SCHIP1: variants seen among roughly 807,000 people sequenced by gnomAD.
SCHIP1 encodes the protein schwannomin interacting protein 1, also known as schwannomin-interacting protein 1.
SCHIP1 carries 8 observed loss-of-function variants against 29.7 expected under a neutral mutation model. That is an observed-to-expected ratio of 0.27 (90% CI 0.16 to 0.49). The LOEUF (loss-of-function observed/expected upper bound fraction) is 0.49, where lower values mean the gene tolerates loss of function less well. Among genes scored for constraint, SCHIP1 ranks in the 20% least tolerant of loss-of-function variants. The pLI, the probability that SCHIP1 is intolerant of heterozygous loss-of-function variation, is 0.99. For synonymous variants in SCHIP1, 76 were observed against 94.9 expected (o/e 0.80, Z 1.16); for missense variants, 193 against 294.6 (o/e 0.66, Z 2.52).
intron 1 of SCHIP1, among the ~76,000 whole-genome samples, chr3:159,857,906 C>T (rs1713574776): frequency 1.3e-5 from 2 of 152,298 alleles, no homozygotes; most frequent in South Asian, 2.1e-4. Flanking sequence ...ATGTCAGAGT[C>T]AACATGTTAA....
chr3:159,823,036 T>A, the SCHIP1 span, among the ~76,000 whole-genome samples: 2 of 151,732 alleles, frequency 1.3e-5, no homozygotes, highest in African/African-American at 2.4e-5. Flanking sequence ...CCGAAAGGAC[T>A]TATGATGGAC....
At chr3:159,795,517 G>C in the SCHIP1 span, among the ~76,000 whole-genome samples, 1 of 152,180 alleles carries the variant, frequency 6.6e-6, no homozygotes, top group Non-Finnish European at 1.5e-5. Context: ...AGACATCACG[G>C]CCAGTAAGGG....
At chr3:159,705,693 A>G in the SCHIP1 span, among the ~76,000 whole-genome samples, 29 of 149,064 alleles carry the variant, frequency 1.9e-4, no homozygotes, top group South Asian at 6.3e-3. Context: ...CGCTCTAAGG[A>G]TATGACTTTT....
chr3:159,745,848 G>C, the SCHIP1 span, among the ~76,000 whole-genome samples: 2 of 152,264 alleles, frequency 1.3e-5, no homozygotes, highest in Admixed American at 6.5e-5. Context: ...TTAGAGAGTA[G>C]ATTTTGCCTC....
At chr3:159,394,502 T>G in the SCHIP1 span, among the ~76,000 whole-genome samples, 1 of 152,180 alleles carries the variant, frequency 6.6e-6, no homozygotes, top group Non-Finnish European at 1.5e-5. Context: ...AATACCTAAT[T>G]TATTGAGAGT....
chr3:159,748,314 A>C, the SCHIP1 span, among the ~76,000 whole-genome samples: 6 of 152,220 alleles, frequency 3.9e-5, no homozygotes, highest in African/African-American at 1.4e-4. Flanking sequence ...GTGTAACGTA[A>C]CTCTTCTACG....
chr3:159,829,378 TC>T, the SCHIP1 span, among the ~76,000 whole-genome samples: 2 of 152,186 alleles, frequency 1.3e-5, no homozygotes, highest in East Asian at 3.9e-4. Flanking sequence ...AAACATCTCA[TC>T]CCCAAGCCCC....
At chr3:159,325,013 T>C in the SCHIP1 span, among the ~76,000 whole-genome samples, 8 of 152,174 alleles carry the variant, frequency 5.3e-5, no homozygotes, top group African/African-American at 1.9e-4. Context: ...GTTGTATGTA[T>C]TAGTGTTTAT....
the SCHIP1 span, among the ~76,000 whole-genome samples, chr3:159,330,445 T>C: frequency 6.6e-6 from 1 of 152,226 alleles, no homozygotes; most frequent in Non-Finnish European, 1.5e-5. Context: ...TAGTATTTTG[T>C]TTCTGTTTCT....
chr3:159,540,768 G>T, the SCHIP1 span, among the ~76,000 whole-genome samples: 5 of 152,040 alleles, frequency 3.3e-5, no homozygotes, highest in Non-Finnish European at 7.4e-5. Context: ...AAACATTTAC[G>T]TTTTAATTTT....
At chr3:159,578,615 G>A in the SCHIP1 span, among the ~76,000 whole-genome samples, 1 of 152,110 alleles carries the variant, frequency 6.6e-6, no homozygotes, top group Non-Finnish European at 1.5e-5. Flanking sequence ...AGGTTCAGCA[G>A]AAAACTAAGA....
At chr3:159,886,430 GA>G (rs1716969671) in intron 3 of SCHIP1, 106 bp downstream of exon 4, 1 of 1,031,158 alleles carries the variant, frequency 9.7e-7, no homozygotes, top group Admixed American at 2.4e-5. Flanking sequence ...AGAGATTAAA[GA>G]AGAAAAGTTT....
At chr3:159,639,694 CTATTT>C in the SCHIP1 span, among the ~76,000 whole-genome samples, 382 of 152,274 alleles carry the variant, frequency 2.5e-3, 15 homozygotes, top group East Asian at 0.065. Context: ...TTGTAACAAT[CTATTT>C]TATTTCTTCA....
chr3:159,646,354 G>C, the SCHIP1 span, among the ~76,000 whole-genome samples: 1 of 152,082 alleles, frequency 6.6e-6, no homozygotes, highest in East Asian at 1.9e-4. Flanking sequence ...TTAGCACAGG[G>C]GCAGTGTAAT....
the SCHIP1 span, chr3:159,387,374 G>T: frequency 2.6e-6 from 1 of 385,984 alleles, no homozygotes; most frequent in East Asian, 7.9e-5. Flanking sequence ...CCAGGGACTT[G>T]ATCTTCATGT....
the SCHIP1 span, among the ~76,000 whole-genome samples, chr3:159,289,492 A>G: frequency 6.6e-6 from 1 of 152,024 alleles, no homozygotes; most frequent in Non-Finnish European, 1.5e-5. Context: ...CTTCTTCTTC[A>G]TCTGGCAGCC....
the SCHIP1 span, among the ~76,000 whole-genome samples, chr3:159,486,765 G>A: frequency 1.3e-5 from 2 of 152,210 alleles, no homozygotes; most frequent in Admixed American, 1.3e-4. Context: ...CCACAGGCAT[G>A]GGCTCCTTCC....
At chr3:159,325,695 G>A in the SCHIP1 span, among the ~76,000 whole-genome samples, 4 of 150,726 alleles carry the variant, frequency 2.7e-5, no homozygotes, top group Non-Finnish European at 5.9e-5. Flanking sequence ...TTTTTTAATT[G>A]TCAATTTACT....
the SCHIP1 span, among the ~76,000 whole-genome samples, chr3:159,806,819 A>G: frequency 1.4e-4 from 21 of 152,304 alleles, no homozygotes; most frequent in Admixed American, 1.0e-3. Context: ...CCCTTTTCAC[A>G]GAGGAGGAGA....
Sources: allele counts gnomAD v4.1 joint callset (sites outside exome capture counted in the v4.1 genomes callset), GRCh38; gene constraint gnomAD v4.1.1; transcripts MANE v1.5; gene names NCBI Gene and HGNC (gene_info 2026-07-23, HGNC 2026-07-21).